The following GPR158 variants were observed in gnomAD, a reference collection of about 807,000 sequenced individuals.
GPR158 encodes G protein-coupled receptor 158, also known as metabotropic glycine receptor.
A neutral mutation model predicts 78.2 loss-of-function variants in GPR158; 30 were observed. The ratio of observed to expected loss-of-function variants is 0.38; its 90% CI spans 0.29 to 0.52. GPR158 has a LOEUF of 0.52. GPR158 is among the 20% of genes least tolerant of loss of function. The pLI, the probability that GPR158 is intolerant of heterozygous loss-of-function variation, is 0.83. For missense variants in GPR158, 1,463 were observed against 1,523.5 expected, an observed-to-expected ratio of 0.96 and a Z score of 0.66; for synonymous variants, 581 against 591.1, an observed-to-expected ratio of 0.98 and a Z score of 0.25.
chr10:25,265,888 T>C (rs139978788), intron 2 of GPR158, among the ~76,000 whole-genome samples: 1,551 of 152,262 alleles, frequency 0.01, 23 homozygotes, highest in South Asian at 0.057. Context: ...TTGAGTGTTA[T>C]TTTCAAAATG....
chr10:25,513,815 A>G (rs1836121621), intron 5 of GPR158, among the ~76,000 whole-genome samples: 1 of 152,014 alleles, frequency 6.6e-6, no homozygotes, highest in Non-Finnish European at 1.5e-5. Flanking sequence ...ATTTCTATGT[A>G]TTTGCATGGC....
At chr10:25,280,544 G>A (rs1854252616) in intron 2 of GPR158, among the ~76,000 whole-genome samples, 1 of 152,002 alleles carries the variant, frequency 6.6e-6, no homozygotes, top group Admixed American at 6.6e-5. Flanking sequence ...AAAATTGTTG[G>A]GTCAAACAGA....
At chr10:25,520,687 G>T (rs1051540828) in intron 5 of GPR158, among the ~76,000 whole-genome samples, 4 of 152,060 alleles carry the variant, frequency 2.6e-5, no homozygotes, top group South Asian at 2.1e-4. Context: ...AGGCTGCTCG[G>T]GGGTCAGGGG....
intron 4 of GPR158, among the ~76,000 whole-genome samples, chr10:25,431,993 A>C (rs1048826236): frequency 3.2e-5 from 3 of 94,278 alleles, no homozygotes; most frequent in African/African-American, 1.0e-4. Context: ...CCTAAAACTT[A>C]AAGTATAATA....
At chr10:25,471,359 T>C (rs1038701728) in intron 5 of GPR158, among the ~76,000 whole-genome samples, 1 of 152,188 alleles carries the variant, frequency 6.6e-6, no homozygotes, top group Non-Finnish European at 1.5e-5. Context: ...CAGTCTATCA[T>C]TGATAGATAT....
chr10:25,307,598 C>A (rs1854698999), intron 2 of GPR158, among the ~76,000 whole-genome samples: 1 of 151,884 alleles, frequency 6.6e-6, no homozygotes. Context: ...TTGTCTCGAG[C>A]TTCTGGGCTC....
At chr10:25,230,117 C>T (rs970936204) in intron 2 of GPR158, among the ~76,000 whole-genome samples, 3 of 152,028 alleles carry the variant, frequency 2.0e-5, no homozygotes, top group Non-Finnish European at 4.4e-5. Context: ...AAGTTAAAAT[C>T]AGTGACTAAA....
At chr10:25,235,943 G>T (rs990510311) in intron 2 of GPR158, among the ~76,000 whole-genome samples, 1 of 151,872 alleles carries the variant, frequency 6.6e-6, no homozygotes, top group Non-Finnish European at 1.5e-5. Flanking sequence ...TGATCTGCCC[G>T]CCTCAGCCCC....
At chr10:25,209,714 C>T (rs1375375292) in intron 1 of GPR158, among the ~76,000 whole-genome samples, 1 of 152,194 alleles carries the variant, frequency 6.6e-6, no homozygotes, top group African/African-American at 2.4e-5. Context: ...GCTTTGTTTA[C>T]TCAGTGGCTT....
At chr10:25,457,166 T>TG (rs1835302588) in intron 4 of GPR158, among the ~76,000 whole-genome samples, 1 of 141,606 alleles carries the variant, frequency 7.1e-6, no homozygotes, top group Admixed American at 7.1e-5. Context: ...TTTTTTTTTT[T>TG]GTATTTTTAG....
At chr10:25,388,669 G>C (rs1367788076) in intron 2 of GPR158, among the ~76,000 whole-genome samples, 1 of 152,254 alleles carries the variant, frequency 6.6e-6, no homozygotes, top group Non-Finnish European at 1.5e-5. Context: ...CTGGGTCTGG[G>C]GCAGTGCTGT....
chr10:25,348,892 G>T (rs192134506), intron 2 of GPR158, among the ~76,000 whole-genome samples: 23 of 152,096 alleles, frequency 1.5e-4, no homozygotes, highest in African/African-American at 5.5e-4. Flanking sequence ...GAAGTGTTCA[G>T]TTCTACTTTG....
chr10:25,372,634 C>T (rs1254512643), intron 2 of GPR158, among the ~76,000 whole-genome samples: 2 of 143,108 alleles, frequency 1.4e-5, no homozygotes, highest in Non-Finnish European at 3.0e-5. Flanking sequence ...CGCATATTCT[C>T]AGTCATAGGT....
intron 2 of GPR158, among the ~76,000 whole-genome samples, chr10:25,255,778 C>A (rs1853881922): frequency 6.6e-6 from 1 of 152,118 alleles, no homozygotes; most frequent in South Asian, 2.1e-4. Flanking sequence ...TTAGGCCATC[C>A]AGGATAATTT....
At chr10:25,464,352 C>T (rs1028561513) in intron 4 of GPR158, among the ~76,000 whole-genome samples, 2 of 152,270 alleles carry the variant, frequency 1.3e-5, no homozygotes, top group East Asian at 1.9e-4. Flanking sequence ...GAAGGTCCCC[C>T]ACTCGAGGCA....
At chr10:25,392,902 C>T (rs1410566383) in intron 2 of GPR158, among the ~76,000 whole-genome samples, 1 of 152,118 alleles carries the variant, frequency 6.6e-6, no homozygotes. Context: ...TCCGTACAGG[C>T]CCTGCTGTCT....
chr10:25,413,287 C>T (rs191410967), intron 4 of GPR158, among the ~76,000 whole-genome samples: 1 of 152,314 alleles, frequency 6.6e-6, no homozygotes, highest in East Asian at 1.9e-4. Flanking sequence ...GCTATGATCA[C>T]ACCACTGTAT....
intron 4 of GPR158, among the ~76,000 whole-genome samples, chr10:25,431,814 A>G (rs966020751): frequency 6.6e-6 from 1 of 152,194 alleles, no homozygotes; most frequent in African/African-American, 2.4e-5. Context: ...AATGATGAGA[A>G]CACATGGACA....
chr10:25,464,346 G>GT (rs1835395045), intron 4 of GPR158, among the ~76,000 whole-genome samples: 1 of 152,232 alleles, frequency 6.6e-6, no homozygotes, highest in African/African-American at 2.4e-5. Context: ...CCCTGGGAAG[G>GT]TCCCCCACTC....
Sources: allele counts gnomAD v4.1 joint callset (sites outside exome capture counted in the v4.1 genomes callset), GRCh38; gene constraint gnomAD v4.1.1; transcripts MANE v1.5; gene names NCBI Gene and HGNC (gene_info 2026-07-23, HGNC 2026-07-21).